FBXL7: variants seen among roughly 807,000 people sequenced by gnomAD.
FBXL7 encodes F-box and leucine rich repeat protein 7, also known as F-box/LRR-repeat protein 7.
In FBXL7, 12 loss-of-function variants were observed where a neutral mutation model predicts 38.3. The observed-to-expected ratio is 0.31, with a 90% CI of 0.20 to 0.51. FBXL7 has a LOEUF of 0.51. Ranked by LOEUF, FBXL7 falls within the 20% of genes least tolerant of loss-of-function variation. The pLI, the probability that FBXL7 is intolerant of heterozygous loss-of-function variation, is 0.98. For missense variants in FBXL7, 567 were observed against 676.4 expected (o/e 0.84, Z 1.79); for synonymous variants, 297 against 300.9 (o/e 0.99, Z 0.13).
chr5:15,823,624 G>A (rs1738229875), intron 2 of FBXL7, among the ~76,000 whole-genome samples: 3 of 152,166 alleles, frequency 2.0e-5, no homozygotes, highest in Admixed American at 1.3e-4. Flanking sequence ...GGGCAGCTCT[G>A]TTGCTCTAGT....
chr5:15,702,095 A>G (rs1743540939), intron 2 of FBXL7, among the ~76,000 whole-genome samples: 1 of 152,038 alleles, frequency 6.6e-6, no homozygotes. Context: ...AAAATTAGCC[A>G]GGAGTGCTGG....
intron 2 of FBXL7, among the ~76,000 whole-genome samples, chr5:15,690,067 T>C (rs542192481): frequency 6.6e-6 from 1 of 152,366 alleles, no homozygotes; most frequent in East Asian, 1.9e-4. Context: ...TGAGAACCAC[T>C]GGTGTAAACC....
At chr5:15,501,746 C>G (rs1736491978) in intron 1 of FBXL7, 1 of 985,298 alleles carries the variant, frequency 1.0e-6, no homozygotes, top group African/African-American at 1.7e-5. Flanking sequence ...CCTCGTTTCT[C>G]AGCAGTTTTG....
At chr5:15,920,116 G>A (rs995710360) in intron 2 of FBXL7, among the ~76,000 whole-genome samples, 4 of 152,126 alleles carry the variant, frequency 2.6e-5, no homozygotes, top group African/African-American at 9.7e-5. Context: ...AATTAGCCAG[G>A]TATGCTGGCA....
intron 3 of FBXL7, among the ~76,000 whole-genome samples, chr5:15,929,015 C>G (rs1175448013): frequency 1.1e-4 from 17 of 152,178 alleles, no homozygotes; most frequent in African/African-American, 4.1e-4. Flanking sequence ...AAAAGGCTAA[C>G]TCAAGCACAG....
intron 1 of FBXL7, among the ~76,000 whole-genome samples, chr5:15,553,911 A>AT (rs1738159152): frequency 6.6e-6 from 1 of 151,966 alleles, no homozygotes; most frequent in African/African-American, 2.4e-5. Context: ...TGGGACTCTC[A>AT]TCTTTGTTTC....
chr5:15,929,682 T>C (rs1297718901), intron 3 of FBXL7, among the ~76,000 whole-genome samples: 3 of 150,904 alleles, frequency 2.0e-5, no homozygotes, highest in African/African-American at 7.3e-5. Flanking sequence ...GCTGCTTTGC[T>C]TGGAAACCTC....
At chr5:15,663,408 A>G (rs376481269) in intron 2 of FBXL7, among the ~76,000 whole-genome samples, 53 of 152,158 alleles carry the variant, frequency 3.5e-4, no homozygotes, top group African/African-American at 1.2e-3. Flanking sequence ...GCAAGTTTTC[A>G]AGGGGAATGC....
At chr5:15,552,977 G>C (rs1738125251) in intron 1 of FBXL7, among the ~76,000 whole-genome samples, 1 of 152,036 alleles carries the variant, frequency 6.6e-6, no homozygotes, top group Non-Finnish European at 1.5e-5. Flanking sequence ...AGCTACTCAG[G>C]AGGCTGAGGC....
chr5:15,729,280 A>G (rs1293959247), intron 2 of FBXL7, among the ~76,000 whole-genome samples: 1 of 152,084 alleles, frequency 6.6e-6, no homozygotes, highest in Non-Finnish European at 1.5e-5. Context: ...GCAGTTTCTG[A>G]ATTGATTGTT....
intron 2 of FBXL7, among the ~76,000 whole-genome samples, chr5:15,879,427 A>G (rs1445303172): frequency 6.6e-6 from 1 of 152,232 alleles, no homozygotes; most frequent in Non-Finnish European, 1.5e-5. Context: ...TGGAGGTTAA[A>G]GAGGCCTTTA....
intron 2 of FBXL7, among the ~76,000 whole-genome samples, chr5:15,682,609 A>G (rs979617719): frequency 4.0e-5 from 6 of 151,712 alleles, no homozygotes; most frequent in Non-Finnish European, 7.4e-5. Context: ...CTTTATTTTT[A>G]TAGCACATTG....
chr5:15,919,996 C>A (rs1178145457), intron 2 of FBXL7, among the ~76,000 whole-genome samples: 1 of 152,184 alleles, frequency 6.6e-6, no homozygotes, highest in East Asian at 1.9e-4. Flanking sequence ...TGGTGGCTCA[C>A]GCCTGTAGTC....
chr5:15,830,117 C>T (rs371517577), intron 2 of FBXL7, among the ~76,000 whole-genome samples: 1 of 152,124 alleles, frequency 6.6e-6, no homozygotes, highest in Non-Finnish European at 1.5e-5. Context: ...AACTTCAGCT[C>T]CCCAACCTCA....
chr5:15,853,902 A>G (rs985818926), intron 2 of FBXL7, among the ~76,000 whole-genome samples: 1 of 152,192 alleles, frequency 6.6e-6, no homozygotes, highest in African/African-American at 2.4e-5. Context: ...ATTTATAATA[A>G]TTGGCTATCT....
chr5:15,813,699 G>T (rs1737931360), intron 2 of FBXL7, among the ~76,000 whole-genome samples: 1 of 151,912 alleles, frequency 6.6e-6, no homozygotes, highest in Non-Finnish European at 1.5e-5. Context: ...CTAATATCCA[G>T]AATCTACAAA....
At chr5:15,929,478 G>A (rs1741981732) in intron 3 of FBXL7, among the ~76,000 whole-genome samples, 3 of 152,074 alleles carry the variant, frequency 2.0e-5, no homozygotes, top group South Asian at 2.1e-4. Flanking sequence ...ATATTAGCCA[G>A]GCACAGTGGT....
At chr5:15,676,304 T>A (rs946673177) in intron 2 of FBXL7, among the ~76,000 whole-genome samples, 1 of 152,216 alleles carries the variant, frequency 6.6e-6, no homozygotes, top group South Asian at 2.1e-4. Flanking sequence ...GGAAGACTGA[T>A]AAATTTTTCT....
chr5:15,924,693 T>G (rs1466389025), intron 2 of FBXL7, among the ~76,000 whole-genome samples: 3 of 149,342 alleles, frequency 2.0e-5, no homozygotes, highest in Admixed American at 6.8e-5. Flanking sequence ...CTCAACTCAC[T>G]GCAACCTCCA....
Sources: gnomAD v4.1 joint callset for allele counts (sites outside exome capture counted in the v4.1 genomes callset) on GRCh38, gnomAD v4.1.1 for gene constraint, MANE v1.5 for transcripts, NCBI Gene and HGNC (gene_info 2026-07-23, HGNC 2026-07-21) for gene names.